Variants in CHIC1 observed in about 807,000 individuals in gnomAD.
CHIC1 encodes cysteine rich hydrophobic domain 1, also known as cysteine-rich hydrophobic domain-containing protein 1.
A neutral mutation model predicts 18.5 loss-of-function variants in CHIC1; 7 were observed. That is an observed-to-expected ratio of 0.38 (90% CI 0.22 to 0.71). CHIC1 has a LOEUF of 0.71. Ranked by LOEUF, CHIC1 falls within the 30% of genes least tolerant of loss-of-function variation. CHIC1 has a pLI of 0.49. For missense variants in CHIC1, 159 were observed against 176.9 expected (o/e 0.90, Z 0.57); for synonymous variants, 77 against 73.5 (o/e 1.05, Z -0.25).
At chrX:73,582,224 T>A (rs2057531237) in intron 2 of CHIC1, among the ~76,000 whole-genome samples, 1 of 111,000 alleles carries the variant, frequency 9.0e-6, no homozygotes, top group African/African-American at 3.2e-5. Context: ...TTGCATGAGT[T>A]TATATCAAAA....
At chrX:73,639,721 A>G (rs148732964) in intron 3 of CHIC1, among the ~76,000 whole-genome samples, 3,365 of 110,694 alleles carry the variant, frequency 0.03, 57 homozygotes, top group Non-Finnish European at 0.047. Context: ...GTGTTTTGTA[A>G]CTCTTGTTGT....
In CHIC1 at chrX:73,606,386, AT is replaced by A. The variant is rs770005563; in HGVS notation, c.507+21822del. On this transcript the variant is annotated intron_variant, in intron 3 of 5. Coordinates refer to ENST00000373502, the MANE Select transcript of CHIC1 (RefSeq NM_001039840.4). ...GTTATTCTAGATAGCAATTCCTCTA[AT>A]TTTTTTTCAAGGCTCTTAGCTTCAT... 1.2e-3 allele frequency among the ~76,000 whole-genome samples: 125 copies of A among 104,839 alleles called. 15 individuals carry two copies. The highest frequency in any genetic ancestry group is 4.6e-3 in the African/African-American group (123 of 26,616). 91.0% of individuals were successfully genotyped at this position (104,839 alleles called of 115,157 possible).
intron 3 of CHIC1, among the ~76,000 whole-genome samples, chrX:73,588,041 T>A (rs376724493): frequency 5.4e-5 from 6 of 112,000 alleles, no homozygotes; most frequent in African/African-American, 1.9e-4. Context: ...GTACAGTGAT[T>A]GGTATTAAGC....
chrX:73,601,257 A>AT (rs1385590955), intron 3 of CHIC1, among the ~76,000 whole-genome samples: 12 of 104,947 alleles, frequency 1.1e-4, no homozygotes, highest in African/African-American at 3.7e-4. Context: ...CAGAATATAC[A>AT]TTTTTTTCAG....
intron 5 of CHIC1, 40 bp downstream of exon 5, chrX:73,679,753 C>G: frequency 1.4e-6 from 1 of 713,319 alleles, no homozygotes; most frequent in Admixed American, 4.6e-5. Flanking sequence ...TTTATTCATT[C>G]TAAATGTACC....
rs766269703 is a variant in CHIC1, at chrX:73,655,292, G to T, written c.508-24034G>T. On this transcript the variant is annotated intron_variant, in intron 3 of 5. Transcript: ENST00000373502. ...TGGTGGTGTGTGTGTGCGTGTGTGT[G>T]TGTGTATGTGTGTATGTATATATAT... Among the ~76,000 whole-genome samples the T allele has an allele frequency of 1.2e-3, 123 of 104,776 alleles. 1 individual carries two copies. Among genetic ancestry groups the T allele is most frequent in the Non-Finnish European group, 1.8e-3 (94 of 50,979 alleles). The allele number at this position is 104,776 out of a possible 115,157, so 91.0% of individuals were successfully genotyped here.
Position 73,667,200 on chromosome X carries a change from T to C in CHIC1, c.508-12126T>C, listed in dbSNP as rs191431862. On this transcript the variant is annotated intron_variant, in intron 3 of 5. Coordinates refer to ENST00000373502, the MANE Select transcript of CHIC1 (RefSeq NM_001039840.4). Reference sequence around the variant, plus strand: ...TGCTTTTTTCTGCTTTTCATTTGCTTGGTAAATTTTCTTCCATCCCTTTAT... The same window carrying C: ...TGCTTTTTTCTGCTTTTCATTTGCTCGGTAAATTTTCTTCCATCCCTTTAT... Among the ~76,000 whole-genome samples, 5 of 111,935 alleles carry C rather than the reference T, an allele frequency of 4.5e-5. No individual in the cohort carries two copies. The East Asian group carries it at 1.4e-3, about 31-fold the overall frequency.
chrX:73,598,482 T>G (rs866735792), intron 3 of CHIC1, among the ~76,000 whole-genome samples: 1 of 35,242 alleles, frequency 2.8e-5, no homozygotes, highest in African/African-American at 1.2e-4. Flanking sequence ...CCCTCCCCCC[T>G]CCCCCCACCC....
chrX:73,660,420 C>T (rs950271561), intron 3 of CHIC1, among the ~76,000 whole-genome samples: 2 of 111,800 alleles, frequency 1.8e-5, no homozygotes, highest in Non-Finnish European at 3.8e-5. Context: ...GGAAGAAAGG[C>T]GGATGCAAGG....
intron 3 of CHIC1, among the ~76,000 whole-genome samples, chrX:73,655,483 C>A (rs185705131): frequency 1.9e-5 from 1 of 53,932 alleles, no homozygotes; most frequent in Non-Finnish European, 3.6e-5. Flanking sequence ...TACATATATA[C>A]ACAATATTGT....
At chrX:73,657,585 C>T (rs1415925617) in intron 3 of CHIC1, among the ~76,000 whole-genome samples, 1 of 112,080 alleles carries the variant, frequency 8.9e-6, no homozygotes, top group Non-Finnish European at 1.9e-5. Context: ...TTAACTTCCT[C>T]TCTTGATATT....
chrX:73,679,845 TTTCTTCTATC>T (rs745638570), intron 5 of CHIC1, 132 bp downstream of exon 5: 22 of 341,481 alleles, frequency 6.4e-5, no homozygotes, highest in Admixed American at 5.4e-4. Flanking sequence ...ATATAGAGGT[TTTCTTCTATC>T]TTCTTTAGAT....
intron 3 of CHIC1, among the ~76,000 whole-genome samples, chrX:73,615,752 G>C (rs1250950448): frequency 9.0e-6 from 1 of 111,363 alleles, no homozygotes; most frequent in African/African-American, 3.3e-5. Flanking sequence ...CACAGCGGCA[G>C]GGTCATCTCC....
intron 1 of CHIC1, among the ~76,000 whole-genome samples, chrX:73,574,251 C>A (rs939965275): frequency 9.0e-6 from 1 of 110,819 alleles, no homozygotes; most frequent in Non-Finnish European, 1.9e-5. Flanking sequence ...GTATGTTGAA[C>A]CAACCTTGCA....
chrX:73,628,788 T>A (rs926162720), intron 3 of CHIC1, among the ~76,000 whole-genome samples: 3 of 111,135 alleles, frequency 2.7e-5, no homozygotes, highest in African/African-American at 9.9e-5. Context: ...TATGAAAGTG[T>A]TATTTCTTTA....
intron 3 of CHIC1, among the ~76,000 whole-genome samples, chrX:73,652,349 C>T (rs2057921178): frequency 8.9e-6 from 1 of 111,925 alleles, no homozygotes; most frequent in Non-Finnish European, 1.9e-5. Flanking sequence ...GACATAAACA[C>T]CAAAAGCAAT....
chrX:73,680,535 A>G (rs751819094), intron 5 of CHIC1, among the ~76,000 whole-genome samples: 2 of 111,812 alleles, frequency 1.8e-5, no homozygotes, highest in South Asian at 3.7e-4. Context: ...TCTCCAACTA[A>G]TATCAGTTTC....
chrX:73,648,842 A>G (rs1265971112), intron 3 of CHIC1, among the ~76,000 whole-genome samples: 1 of 111,721 alleles, frequency 9.0e-6, no homozygotes, highest in Non-Finnish European at 1.9e-5. Flanking sequence ...TTCAGGAAAT[A>G]CAGAGAACAC....
chrX:73,674,139 G>A (rs992818196), intron 3 of CHIC1, among the ~76,000 whole-genome samples: 1 of 111,987 alleles, frequency 8.9e-6, no homozygotes, highest in South Asian at 3.7e-4. Context: ...TGTGCTGCTG[G>A]ATTCGGTTTG....
Sources: gnomAD v4.1 joint callset for allele counts (sites outside exome capture counted in the v4.1 genomes callset) on GRCh38, gnomAD v4.1.1 for gene constraint, MANE v1.5 for transcripts, NCBI Gene and HGNC (gene_info 2026-07-23, HGNC 2026-07-21) for gene names.